Variants in DHX35 observed in about 807,000 individuals in gnomAD.
DHX35 encodes DEAH-box helicase 35, also known as probable ATP-dependent RNA helicase DHX35.
In DHX35, 84 loss-of-function variants were observed where a neutral mutation model predicts 99.6. The ratio of observed to expected loss-of-function variants is 0.84; its 90% CI spans 0.71 to 1.01. The LOEUF (loss-of-function observed/expected upper bound fraction) is 1.01. Among genes scored for constraint, DHX35 ranks in the 50% least tolerant of loss-of-function variants. The probability of loss-of-function intolerance (pLI) is 0.00; values close to 1 mark genes in which losing one functional copy is unlikely to be tolerated. For synonymous variants in DHX35, 331 were observed against 316.2 expected, an observed-to-expected ratio of 1.05 and a Z score of -0.50; for missense variants, 852 against 888.5, an observed-to-expected ratio of 0.96 and a Z score of 0.52.
intron 14 of DHX35, among the ~76,000 whole-genome samples, chr20:39,017,519 A>G (rs1295116376): frequency 1.3e-5 from 2 of 152,310 alleles, no homozygotes; most frequent in East Asian, 1.9e-4. Flanking sequence ...TATTTCTTCA[A>G]TACCCTAAAT....
intron 11 of DHX35, among the ~76,000 whole-genome samples, chr20:39,005,078 A>G (rs548710052): frequency 8.3e-4 from 127 of 152,352 alleles, no homozygotes; most frequent in Admixed American, 3.2e-3. Flanking sequence ...GTTTTATAGC[A>G]TAACATCTTA....
At chr20:38,989,059 C>A in intron 5 of DHX35, 142 bp downstream of exon 5, 2 of 696,622 alleles carry the variant, frequency 2.9e-6, no homozygotes, top group Non-Finnish European at 4.3e-6. Flanking sequence ...CATTCAGAGA[C>A]TTTAGTCAGC....
At position 38,972,713 on chromosome 20, in the gene DHX35, G is replaced by T. The variant is rs73908223; in HGVS notation, c.267+62G>T. ...TTTGGCTGGAAGAATTTTGTAACTT[G>T]AGAGCTCTCTTTACTATCATTTACA... is the stretch of plus-strand genomic sequence containing the variant. On this transcript the variant is annotated intron_variant, in intron 3 of 21. Coordinates refer to ENST00000252011, the MANE Select transcript of DHX35 (RefSeq NM_021931.4). 2.2e-4 allele frequency: 245 copies of T among 1,112,174 alleles called. No individual in the cohort carries two copies. The African/African-American group carries it at 3.6e-3, about 17-fold the overall frequency. The allele number at this position is 1,112,174 out of a possible 1,614,324, so 68.9% of individuals were successfully genotyped here. A position where few individuals can be genotyped will look rare whatever the true frequency, so the allele number is the denominator to read the frequency against.
At position 39,010,424 on chromosome 20, in the gene DHX35, T is replaced by C; in HGVS notation, c.1347+20T>C. On this transcript the variant is annotated intron_variant, in intron 13 of 21. Transcript: ENST00000252011. ...ATGTCGGTAAGTCCTGCCTGCTGTC[T>C]GGGGCCATAGGGAGGCTAGGGAGCT... 8 of 1,613,278 alleles carry C rather than the reference T, an allele frequency of 5.0e-6. No individual in the cohort carries two copies. The highest frequency in any genetic ancestry group is 6.8e-6 in the Non-Finnish European group (8 of 1,179,488).
At chr20:38,983,813 G>A in intron 4 of DHX35, 37 bp downstream of exon 4, 1 of 1,566,158 alleles carries the variant, frequency 6.4e-7, no homozygotes, top group South Asian at 1.1e-5. Context: ...TTCTATCTGT[G>A]TTGTCTACAT....
chr20:38,980,109 G>A (rs1348406346), intron 3 of DHX35, among the ~76,000 whole-genome samples: 1 of 152,044 alleles, frequency 6.6e-6, no homozygotes, highest in Non-Finnish European at 1.5e-5. Context: ...CCACCTCTCA[G>A]CAATCATAAG....
At chr20:39,030,357 A>G in intron 19 of DHX35, 1 of 245,844 alleles carries the variant, frequency 4.1e-6, no homozygotes. Flanking sequence ...TTTAGATTAT[A>G]GAAGAAATCA....
intron 19 of DHX35, among the ~76,000 whole-genome samples, chr20:39,028,708 A>G (rs765195631): frequency 1.3e-5 from 2 of 152,202 alleles, no homozygotes; most frequent in East Asian, 1.9e-4. Context: ...CAGCTCATCT[A>G]TATGTTGTAT....
chr20:38,977,735 G>A, intron 3 of DHX35: 4 of 410,052 alleles, frequency 9.8e-6, no homozygotes, highest in Non-Finnish European at 1.8e-5. Flanking sequence ...TTGCTTTAGT[G>A]TTTTCTACAG....
intron 1 of DHX35, chr20:38,963,110 C>G (rs953564638): frequency 3.9e-5 from 6 of 152,278 alleles, no homozygotes; most frequent in Non-Finnish European, 7.3e-5. Flanking sequence ...TAACACGAAT[C>G]ACAATCACAA....
At chr20:38,966,531 C>G (rs976840293) in intron 1 of DHX35, among the ~76,000 whole-genome samples, 2 of 152,060 alleles carry the variant, frequency 1.3e-5, no homozygotes, top group Admixed American at 6.6e-5. Context: ...GAGCTGGGTG[C>G]GGTGGTGCGT....
intron 16 of DHX35, among the ~76,000 whole-genome samples, chr20:39,023,047 C>T (rs1269298767): frequency 6.6e-6 from 1 of 152,122 alleles, no homozygotes; most frequent in East Asian, 1.9e-4. Flanking sequence ...CCTCTGTGCC[C>T]AGATGCTTAT....
intron 19 of DHX35, 45 bp downstream of exon 19, chr20:39,028,544 A>G: frequency 6.3e-7 from 1 of 1,589,098 alleles, no homozygotes; most frequent in Non-Finnish European, 8.6e-7. Context: ...GAACAATCTT[A>G]CAAATGACCC....
intron 11 of DHX35, 107 bp from the exon 12 acceptor site, chr20:39,006,039 A>G (rs549758908): frequency 2.7e-5 from 35 of 1,320,188 alleles, no homozygotes; most frequent in Non-Finnish European, 3.6e-5. Flanking sequence ...ACTGCCTCTC[A>G]CAGATTCTGC....
At chr20:38,999,046 G>A (rs1403302049) in intron 8 of DHX35, among the ~76,000 whole-genome samples, 2 of 152,032 alleles carry the variant, frequency 1.3e-5, no homozygotes, top group Admixed American at 6.6e-5. Flanking sequence ...CCATCCACCC[G>A]CCTTGGCCTC....
chr20:38,975,393 A>T (rs1028719355), intron 3 of DHX35, among the ~76,000 whole-genome samples: 2 of 152,254 alleles, frequency 1.3e-5, no homozygotes, highest in African/African-American at 4.8e-5. Context: ...GAGTAATATA[A>T]CAATAGTATA....
At chr20:38,983,408 G>A (rs1601383153) in intron 3 of DHX35, among the ~76,000 whole-genome samples, 1 of 152,248 alleles carries the variant, frequency 6.6e-6, no homozygotes, top group East Asian at 1.9e-4. Flanking sequence ...ATAATTTTTT[G>A]TTCCCTGAGG....
intron 3 of DHX35, among the ~76,000 whole-genome samples, chr20:38,976,336 C>CTGTGTG (rs11472267): frequency 0.01 from 1,527 of 146,132 alleles, 21 homozygotes; most frequent in African/African-American, 0.033. Context: ...AGAGAAGTGT[C>CTGTGTG]TGTGTGTGTG....
At chr20:38,969,057 GAA>G (rs200360241) in intron 1 of DHX35, 22 bp from the exon 2 acceptor site, 1 of 1,541,188 alleles carries the variant, frequency 6.5e-7, no homozygotes, top group Non-Finnish European at 8.8e-7. Context: ...CAGAGAATCT[GAA>G]AAAAAAACAT....
Sources: gnomAD v4.1 joint callset for allele counts (sites outside exome capture counted in the v4.1 genomes callset) on GRCh38, gnomAD v4.1.1 for gene constraint, MANE v1.5 for transcripts, NCBI Gene and HGNC (gene_info 2026-07-23, HGNC 2026-07-21) for gene names.